The following TEAD3 variants were observed in gnomAD, a reference collection of about 807,000 sequenced individuals.
TEAD3 encodes TEA domain transcription factor 3.
In TEAD3, 15 loss-of-function variants were observed where a neutral mutation model predicts 55.6. That is an observed-to-expected ratio of 0.27 (90% confidence interval 0.18 to 0.42). The LOEUF is 0.42. TEAD3 is among the 10% of genes least tolerant of loss of function. TEAD3 has a pLI of 1.00. For missense variants in TEAD3, 407 were observed against 576.8 expected (o/e 0.71, Z 3.01); for synonymous variants, 210 against 232.2 (o/e 0.90, Z 0.87).
intron 1 of TEAD3, among the ~76,000 whole-genome samples, chr6:35,492,129 G>A (rs1373480923): frequency 6.6e-6 from 1 of 152,222 alleles, no homozygotes; most frequent in African/African-American, 2.4e-5. Context: ...GTCCACCCCT[G>A]CAGGGACCCC....
At position 35,480,515 on chromosome 6, in the gene TEAD3, T is replaced by C. The variant is rs1768246485; in HGVS notation, c.268-393A>G. 5 of 854,186 alleles carry C rather than the reference T, an allele frequency of 5.9e-6. No homozygotes were observed. The South Asian group carries it at 6.7e-5, about 11-fold the overall frequency. The allele number at this position is 854,186 out of a possible 1,614,324, so 52.9% of individuals were successfully genotyped here. A position where few individuals can be genotyped will look rare whatever the true frequency, so the allele number is the denominator to read the frequency against. On this transcript the variant is annotated intron_variant, in intron 3 of 12. Transcript: ENST00000639578. ...GTAAATGGGGGGACCTTTTTTCTTT[T>C]TGAAACAGGGTTTATGTTGCCTGGG...
At chr6:35,478,354 C>T (rs1199041397) in intron 6 of TEAD3, 30 bp from the exon 7 acceptor site, 1 of 1,613,806 alleles carries the variant, frequency 6.2e-7, no homozygotes, top group South Asian at 1.1e-5. Flanking sequence ...CCCAGGGGCC[C>T]CTCAGCATCC....
In TEAD3 at chr6:35,486,794, G is replaced by T; in HGVS notation, c.-49-83C>A. ...CTATCCCACAGCCGCTGGCTCTGGA[G>T]CTCCGCCCCCAGCCCCAAGCCCACC... is the stretch of plus-strand genomic sequence containing the variant. On this transcript the variant is annotated intron_variant, in intron 1 of 12. Transcript: ENST00000639578. This position sits in a 1 kb window ranked among gnomAD's most constrained non-coding sequence, Gnocchi z 7.3. 1.0e-6 allele frequency: 1 copy of T among 1,003,728 alleles called. No individual in the cohort carries two copies. Among genetic ancestry groups the T allele is most frequent in the Non-Finnish European group, 1.4e-6 (1 of 697,204 alleles). The allele number at this position is 1,003,728 out of a possible 1,614,324, so 62.2% of individuals were successfully genotyped here. A position where few individuals can be genotyped will look rare whatever the true frequency, so the allele number is the denominator to read the frequency against.
At position 35,484,638 on chromosome 6, in the gene TEAD3, A is replaced by G. The variant is rs1318513012; in HGVS notation, c.203-14T>C. 2 of 1,585,184 alleles carry G rather than the reference A, an allele frequency of 1.3e-6. No homozygotes were observed. Among genetic ancestry groups the G allele is most frequent in the Admixed American group, 1.8e-5 (1 of 55,402 alleles). On this transcript the variant is annotated splice_polypyrimidine_tract_variant and intron_variant, in intron 2 of 12. Coordinates refer to ENST00000639578, the Ensembl canonical transcript of TEAD3. The surrounding 1 kb of genome is among the most constrained non-coding windows in gnomAD (Gnocchi z 5.8). ...ACTCATTTCGGCCTAGATTGGGGTG[A>G]GAGAGAAAATGAGGAGTGGGCAAAG...
rs769138219 is a variant in TEAD3, at chr6:35,486,452, G to A, written c.202+9C>T. The A allele has an allele frequency of 1.1e-5, 18 of 1,609,702 alleles. No homozygotes were observed. The highest frequency in any genetic ancestry group is 8.4e-5 in the Admixed American group (5 of 59,848). On this transcript the variant is annotated intron_variant, in intron 2 of 12. Coordinates refer to ENST00000639578, the Ensembl canonical transcript of TEAD3. The surrounding 1 kb of genome is among the most constrained non-coding windows in gnomAD (Gnocchi z 7.3). ...GGCCGCAGTCCCGCCCGCGCCCCCC[G>A]GCACGCACCGTACATCTTGCCCTCG...
rs1561810268 is a variant in TEAD3 at position 35,496,684 on chromosome 6, C to CGGGGGGGTG, written c.-50+205_-50+213dup. 6.6e-6 allele frequency among the ~76,000 whole-genome samples: 1 copy of CGGGGGGGTG among 151,952 alleles called. No individual in the cohort carries two copies. Among genetic ancestry groups the CGGGGGGGTG allele is most frequent in the Non-Finnish European group, 1.5e-5 (1 of 67,928 alleles). ...TTCCCGGACCAACTCGTCCCCGTCGCGGGGGGGTGGGGAGGGCGGGGGGCG... is the reference window on the plus strand; with the variant it reads ...TTCCCGGACCAACTCGTCCCCGTCGCGGGGGGGTGGGGGGGGTGGGGAGGGCGGGGGGCG... On this transcript the variant is annotated intron_variant, in intron 1 of 12. Coordinates refer to ENST00000639578, the Ensembl canonical transcript of TEAD3. The surrounding 1 kb of genome is among the most constrained non-coding windows in gnomAD (Gnocchi z 4.8).
chr6:35,479,278 C>A (rs1768218022), intron 5 of TEAD3, 27 bp downstream of exon 5: 1 of 1,613,312 alleles, frequency 6.2e-7, no homozygotes, highest in Non-Finnish European at 8.5e-7. Context: ...TTCCCCCACT[C>A]CCACTGGGGA....
At position 35,475,469 on chromosome 6, in the gene TEAD3, T is replaced by C. The variant is rs1768124437; in HGVS notation, c.1061A>G (p.Glu354Gly). Residue 354 changes from glutamate (E) to glycine (G), a missense_variant, in exon 12 of 13, where the codon GAG becomes GGG. Transcript: ENST00000639578. The surrounding 1 kb of genome is among the most constrained non-coding windows in gnomAD (Gnocchi z 5.4). ...GATACGGTACACAAAGCGCCCGTTC[T>C]CCAGCCTGGCATACTCAGTCTGCAG... 5.0e-6 allele frequency: 8 copies of C among 1,613,202 alleles called. No individual in the cohort carries two copies. The highest frequency in any genetic ancestry group is 6.8e-6 in the Non-Finnish European group (8 of 1,179,284).
chr6:35,489,743 T>TATAA (rs1041823881), intron 1 of TEAD3, among the ~76,000 whole-genome samples: 2 of 151,850 alleles, frequency 1.3e-5, no homozygotes, highest in African/African-American at 2.4e-5. Flanking sequence ...ACAAAATAAA[T>TATAA]ATAAATAAAT....
At chr6:35,489,297 A>C (rs944864502) in intron 1 of TEAD3, among the ~76,000 whole-genome samples, 6 of 152,202 alleles carry the variant, frequency 3.9e-5, no homozygotes, top group Admixed American at 3.3e-4. Flanking sequence ...AGAGAAGTTA[A>C]GCAACTTGCC....
At chr6:35,477,956 C>G (rs1314507807) in intron 7 of TEAD3, among the ~76,000 whole-genome samples, 1 of 151,772 alleles carries the variant, frequency 6.6e-6, no homozygotes, top group Non-Finnish European at 1.5e-5. Context: ...TCAAGCAATC[C>G]TAGCCTGCCT....
chr6:35,486,158 C>T lies in TEAD3; in HGVS notation c.202+303G>A, dbSNP rs1768373822. Among the ~76,000 whole-genome samples the T allele has an allele frequency of 6.6e-6, 1 of 152,224 alleles. No individual in the cohort carries two copies. Among genetic ancestry groups the T allele is most frequent in the Non-Finnish European group, 1.5e-5 (1 of 68,038 alleles). Reference sequence around the variant, plus strand: ...AAGGGACCCCGTTCCGGGCCTCGACCGGCGCAGACTGGGCTGACCCACTTT... The same window carrying T: ...AAGGGACCCCGTTCCGGGCCTCGACTGGCGCAGACTGGGCTGACCCACTTT... On this transcript the variant is annotated intron_variant, in intron 2 of 12. Coordinates refer to ENST00000639578, the Ensembl canonical transcript of TEAD3. This position sits in a 1 kb window ranked among gnomAD's most constrained non-coding sequence, Gnocchi z 7.3.
chr6:35,496,641 C>T lies in TEAD3; in HGVS notation c.-50+257G>A, dbSNP rs1768665250. Among the ~76,000 whole-genome samples, 2 of 152,192 alleles carry T rather than the reference C, an allele frequency of 1.3e-5. No homozygotes were observed. The highest frequency in any genetic ancestry group is 2.4e-5 in the African/African-American group (1 of 41,458). ...CAGGCGACGGCACAGGGGACACGGTCTCCCCGGCTTCCCCACCTTCCCGGA... is the reference window on the plus strand; with the variant it reads ...CAGGCGACGGCACAGGGGACACGGTTTCCCCGGCTTCCCCACCTTCCCGGA... On this transcript the variant is annotated intron_variant, in intron 1 of 12. Transcript: ENST00000639578. This position sits in a 1 kb window ranked among gnomAD's most constrained non-coding sequence, Gnocchi z 4.8.
Position 35,486,829 on chromosome 6 carries a change from G to C in TEAD3, c.-49-118C>G, listed in dbSNP as rs1768393487. ...CAGCCCCAAGCCCACCCTAGGAGCAGGTGCTCCAGGTGGAACGGAGGTAAC... is the reference window on the plus strand; with the variant it reads ...CAGCCCCAAGCCCACCCTAGGAGCACGTGCTCCAGGTGGAACGGAGGTAAC... On this transcript the variant is annotated intron_variant, in intron 1 of 12. Coordinates refer to ENST00000639578, the Ensembl canonical transcript of TEAD3. The surrounding 1 kb of genome is among the most constrained non-coding windows in gnomAD (Gnocchi z 7.3). The C allele has an allele frequency of 3.0e-6, 2 of 672,834 alleles. No individual in the cohort carries two copies. Among genetic ancestry groups the C allele is most frequent in the Admixed American group, 5.8e-5 (2 of 34,234 alleles). 41.7% of individuals were successfully genotyped at this position (672,834 alleles called of 1,614,324 possible).
At chr6:35,493,355 T>A (rs1033037053) in intron 1 of TEAD3, among the ~76,000 whole-genome samples, 2 of 151,952 alleles carry the variant, frequency 1.3e-5, no homozygotes, top group African/African-American at 2.4e-5. Flanking sequence ...CCCAAAAGCA[T>A]CCCACAGAGC....
intron 1 of TEAD3, among the ~76,000 whole-genome samples, chr6:35,490,264 C>A (rs1768481716): frequency 6.6e-6 from 1 of 152,214 alleles, no homozygotes. Context: ...GCGAACACAG[C>A]AGCAGGCTTG....
intron 3 of TEAD3, among the ~76,000 whole-genome samples, chr6:35,481,805 T>C (rs1024607831): frequency 6.6e-6 from 1 of 152,170 alleles, no homozygotes; most frequent in Admixed American, 6.5e-5. Flanking sequence ...CAGGACTCAC[T>C]TGGACCCTTA....
Position 35,486,430 on chromosome 6 carries a change from C to T in TEAD3, c.202+31G>A, listed in dbSNP as rs1162323163. 1.3e-6 allele frequency: 2 copies of T among 1,590,994 alleles called. No homozygotes were observed. The highest frequency in any genetic ancestry group is 1.1e-5 in the South Asian group (1 of 88,358). On this transcript the variant is annotated intron_variant, in intron 2 of 12. Transcript: ENST00000639578. This position sits in a 1 kb window ranked among gnomAD's most constrained non-coding sequence, Gnocchi z 7.3. ...GAGGGCAGAGAGCAGGGGGAAGGGC[C>T]GCAGTCCCGCCCGCGCCCCCCGGCA...
intron 1 of TEAD3, among the ~76,000 whole-genome samples, chr6:35,489,979 G>A (rs1170588978): frequency 2.0e-5 from 3 of 152,168 alleles, no homozygotes; most frequent in African/African-American, 7.2e-5. Flanking sequence ...AAATAGTTGG[G>A]ATGCAGGGCC....
Sources: gnomAD v4.1 joint callset for allele counts (sites outside exome capture counted in the v4.1 genomes callset) on GRCh38, gnomAD v4.1.1 for gene constraint, Gnocchi (gnomAD v3.1) non-coding constraint, MANE v1.5 for transcripts, NCBI Gene and HGNC (gene_info 2026-07-23, HGNC 2026-07-21) for gene names.